Variants in GABRA3 observed in about 807,000 individuals in gnomAD.
GABRA3 encodes the protein gamma-aminobutyric acid receptor subunit alpha-3.
In GABRA3, 10 loss-of-function variants were observed where a neutral mutation model predicts 30.1. The observed-to-expected ratio is 0.33, with a 90% CI of 0.20 to 0.56. The LOEUF (loss-of-function observed/expected upper bound fraction) is 0.56. Ranked by LOEUF, GABRA3 falls within the 20% of genes least tolerant of loss-of-function variation. GABRA3 has a pLI of 0.89. For synonymous variants in GABRA3, 151 were observed against 146.8 expected (o/e 1.03, Z -0.21); for missense variants, 233 against 392.0 (o/e 0.59, Z 3.42).
At chrX:152,396,764 G>A (rs983518491) in intron 1 of GABRA3, among the ~76,000 whole-genome samples, 4 of 112,236 alleles carry the variant, frequency 3.6e-5, no homozygotes, top group Non-Finnish European at 7.5e-5. Flanking sequence ...TACCATCATG[G>A]TAAATGTTCA....
chrX:152,372,684 G>T (rs1161129154), intron 1 of GABRA3, among the ~76,000 whole-genome samples: 1 of 111,651 alleles, frequency 9.0e-6, no homozygotes, highest in Admixed American at 9.6e-5. Context: ...CTTCTCAGAG[G>T]TATAATCTCA....
chrX:152,180,755 G>A (rs1937134928), intron 9 of GABRA3, among the ~76,000 whole-genome samples: 2 of 111,968 alleles, frequency 1.8e-5, no homozygotes. Context: ...TTCTCTGTGT[G>A]TGGCTATCCA....
At chrX:152,216,760 T>C (rs1937733392) in intron 6 of GABRA3, among the ~76,000 whole-genome samples, 1 of 109,685 alleles carries the variant, frequency 9.1e-6, no homozygotes. Flanking sequence ...GAAGACTGAT[T>C]ATATTTTTAA....
chrX:152,249,635 T>A (rs773537828), intron 5 of GABRA3, among the ~76,000 whole-genome samples: 2 of 110,454 alleles, frequency 1.8e-5, no homozygotes, highest in Admixed American at 1.9e-4. Context: ...CTTTAGTGGA[T>A]CCTCATCATG....
chrX:152,269,863 A>G (rs1938896098), intron 4 of GABRA3, among the ~76,000 whole-genome samples: 1 of 112,222 alleles, frequency 8.9e-6, no homozygotes, highest in Admixed American at 9.5e-5. Context: ...TGAAGACTTA[A>G]ATTTAAGACT....
chrX:152,383,388 C>CAAAAAAAAAAAAAA (rs34736587), intron 1 of GABRA3, among the ~76,000 whole-genome samples: 1 of 35,459 alleles, frequency 2.8e-5, no homozygotes, highest in Non-Finnish European at 4.8e-5. Flanking sequence ...GACTCCATCT[C>CAAAAAAAAAAAAAA]AAAAAAAAAA....
intron 1 of GABRA3, among the ~76,000 whole-genome samples, chrX:152,439,796 G>GT (rs895142822): frequency 1.8e-5 from 2 of 111,732 alleles, no homozygotes; most frequent in African/African-American, 6.5e-5. Flanking sequence ...AATCCTAAAA[G>GT]TAAGTGCTAA....
intron 3 of GABRA3, among the ~76,000 whole-genome samples, chrX:152,321,491 G>T (rs913045083): frequency 1.8e-5 from 2 of 111,740 alleles, no homozygotes; most frequent in Admixed American, 9.5e-5. Flanking sequence ...GGGCATCATT[G>T]TGAGTGCTGA....
chrX:152,365,537 G>A (rs1273802188), intron 1 of GABRA3, among the ~76,000 whole-genome samples: 1 of 111,629 alleles, frequency 9.0e-6, no homozygotes, highest in African/African-American at 3.3e-5. Context: ...TCTAATTTGT[G>A]TGGCTTCTTT....
intron 8 of GABRA3, among the ~76,000 whole-genome samples, chrX:152,196,398 C>CAA (rs1295981206): frequency 7.5e-5 from 2 of 26,662 alleles, no homozygotes; most frequent in African/African-American, 2.2e-4. Flanking sequence ...AACTCCGTCT[C>CAA]AAAAAAAAAG....
intron 5 of GABRA3, among the ~76,000 whole-genome samples, chrX:152,235,184 T>A (rs749594236): frequency 3.6e-5 from 4 of 111,889 alleles, no homozygotes; most frequent in African/African-American, 1.3e-4. Flanking sequence ...ATCTTTCACC[T>A]CCTTGGTTAA....
chrX:152,330,029 G>A (rs1940136438), intron 3 of GABRA3, among the ~76,000 whole-genome samples: 1 of 111,803 alleles, frequency 8.9e-6, no homozygotes, highest in Non-Finnish European at 1.9e-5. Flanking sequence ...TCATCAAAAA[G>A]TGGGCAAAGG....
At chrX:152,232,554 G>A (rs1938102921) in intron 5 of GABRA3, among the ~76,000 whole-genome samples, 1 of 109,211 alleles carries the variant, frequency 9.2e-6, no homozygotes, top group Non-Finnish European at 1.9e-5. Context: ...GTAAGGTAAC[G>A]ACCTCCAATT....
At chrX:152,298,229 G>GT (rs757639452) in intron 3 of GABRA3, among the ~76,000 whole-genome samples, 1 of 110,913 alleles carries the variant, frequency 9.0e-6, no homozygotes, top group Non-Finnish European at 1.9e-5. Context: ...TTCCTTGTCT[G>GT]TTTTTTTTAT....
At chrX:152,270,394 T>C (rs143366265) in intron 4 of GABRA3, among the ~76,000 whole-genome samples, 2,481 of 112,029 alleles carry the variant, frequency 0.022, 60 homozygotes, top group African/African-American at 0.076. Flanking sequence ...CTCTTTCCTT[T>C]ATAAATTACA....
intron 4 of GABRA3, among the ~76,000 whole-genome samples, chrX:152,279,846 C>A (rs2124435758): frequency 9.0e-6 from 1 of 111,054 alleles, no homozygotes; most frequent in Admixed American, 9.6e-5. Context: ...AAGTTGGATT[C>A]CTAGGTATTT....
chrX:152,269,063 G>A (rs953819339), intron 4 of GABRA3, among the ~76,000 whole-genome samples: 4 of 111,379 alleles, frequency 3.6e-5, no homozygotes, highest in African/African-American at 1.3e-4. Context: ...GTTGCCTATG[G>A]AGCATCATTT....
At chrX:152,391,773 A>G (rs1360991915) in intron 1 of GABRA3, among the ~76,000 whole-genome samples, 1 of 111,891 alleles carries the variant, frequency 8.9e-6, no homozygotes, top group East Asian at 2.8e-4. Context: ...ACATCAGACG[A>G]CCATGCTGAA....
At chrX:152,323,268 TTTTG>T (rs1225568569) in intron 3 of GABRA3, among the ~76,000 whole-genome samples, 2 of 111,733 alleles carry the variant, frequency 1.8e-5, no homozygotes, top group South Asian at 3.7e-4. Flanking sequence ...GAGCATGTTT[TTTTG>T]TTTGTTTAAT....
Sources: allele counts gnomAD v4.1 joint callset (sites outside exome capture counted in the v4.1 genomes callset), GRCh38; gene constraint gnomAD v4.1.1; transcripts MANE v1.5; gene names NCBI Gene and HGNC (gene_info 2026-07-23, HGNC 2026-07-21).